SGCZ: variants seen among roughly 807,000 people sequenced by gnomAD.
The protein encoded by SGCZ is sarcoglycan zeta.
A neutral mutation model predicts 41.3 loss-of-function variants in SGCZ; 40 were observed. The ratio of observed to expected loss-of-function variants is 0.97; its 90% CI spans 0.75 to 1.26. SGCZ has a LOEUF of 1.26. SGCZ is among the 50% of genes most tolerant of loss of function. SGCZ has a pLI of 0.00. For synonymous variants in SGCZ, 206 were observed against 137.5 expected (o/e 1.50, Z -3.49); for missense variants, 552 against 369.8 (o/e 1.49, Z -4.04).
At chr8:14,369,345 A>G (rs746929390) in intron 2 of SGCZ, among the ~76,000 whole-genome samples, 6 of 151,922 alleles carry the variant, frequency 3.9e-5, no homozygotes, top group Non-Finnish European at 5.9e-5. Flanking sequence ...AATATTAGCT[A>G]TTTTGTAGAA....
At position 14,862,016 on chromosome 8, in the gene SGCZ, GA is replaced by G. The variant is rs377060838; in HGVS notation, c.40-307091del. On this transcript the variant is annotated intron_variant, in intron 1 of 7. Transcript: ENST00000382080. ...AGCCAACACCTGAATTCCACCATTG[GA>G]AAAAAAAAATAGTCTGTAGTAACAT... 1.8e-3 allele frequency among the ~76,000 whole-genome samples: 260 copies of G among 147,640 alleles called. 2 individuals carry two copies. The highest frequency in any genetic ancestry group is 4.7e-3 in the African/African-American group (189 of 40,476).
intron 1 of SGCZ, among the ~76,000 whole-genome samples, chr8:14,564,696 AT>A (rs1244323206): frequency 6.6e-6 from 1 of 152,190 alleles, no homozygotes; most frequent in Non-Finnish European, 1.5e-5. Flanking sequence ...TTGAAATAGA[AT>A]TTTTAAAACA....
intron 5 of SGCZ, among the ~76,000 whole-genome samples, chr8:14,145,320 C>G (rs1045162794): frequency 6.6e-6 from 1 of 152,142 alleles, no homozygotes; most frequent in Non-Finnish European, 1.5e-5. Flanking sequence ...CCATGACCAT[C>G]AAGGCTTAAT....
intron 7 of SGCZ, among the ~76,000 whole-genome samples, chr8:14,094,068 C>G (rs532748313): frequency 2.0e-4 from 30 of 152,200 alleles, no homozygotes; most frequent in African/African-American, 7.2e-4. Context: ...CACCTCCCAA[C>G]AAAGCCCAGT....
chr8:14,940,536 C>G (rs1255159260), intron 1 of SGCZ, among the ~76,000 whole-genome samples: 2 of 151,932 alleles, frequency 1.3e-5, no homozygotes, highest in Admixed American at 1.3e-4. Flanking sequence ...ATTTGCAATT[C>G]CAAGTCAAAG....
chr8:14,371,140 TTCAGGAAATC>T (rs554568582), intron 2 of SGCZ, among the ~76,000 whole-genome samples: 2 of 152,012 alleles, frequency 1.3e-5, no homozygotes, highest in Non-Finnish European at 2.9e-5. Flanking sequence ...GGTAAACACC[TTCAGGAAATC>T]TCTGGGTTTT....
intron 1 of SGCZ, among the ~76,000 whole-genome samples, chr8:14,818,157 G>T (rs966645479): frequency 6.6e-6 from 1 of 151,988 alleles, no homozygotes; most frequent in African/African-American, 2.4e-5. Context: ...TCTCCCAGCT[G>T]GTCACACTCA....
intron 2 of SGCZ, among the ~76,000 whole-genome samples, chr8:14,498,120 C>T (rs13252317): frequency 0.47 from 72,179 of 151,968 alleles, 17,251 homozygotes; most frequent in Admixed American, 0.54. Flanking sequence ...GTTTACTATA[C>T]TCTTTGTTGA....
At chr8:15,103,537 C>T (rs1806698100) in intron 1 of SGCZ, among the ~76,000 whole-genome samples, 2 of 152,064 alleles carry the variant, frequency 1.3e-5, no homozygotes, top group East Asian at 1.9e-4. Flanking sequence ...CAGTGAAACA[C>T]TAATAAGTCT....
At chr8:14,318,205 A>AG (rs1196846326) in intron 3 of SGCZ, among the ~76,000 whole-genome samples, 1 of 151,846 alleles carries the variant, frequency 6.6e-6, no homozygotes, top group African/African-American at 2.4e-5. Flanking sequence ...AAGGCGGGAA[A>AG]GGGGGGAAGA....
At chr8:14,156,191 C>T (rs1482885367) in intron 5 of SGCZ, among the ~76,000 whole-genome samples, 1 of 152,102 alleles carries the variant, frequency 6.6e-6, no homozygotes, top group East Asian at 1.9e-4. Flanking sequence ...TTTTCTTGGC[C>T]ACTCACAGTG....
At chr8:15,097,842 G>GTA (rs1234225819) in intron 1 of SGCZ, among the ~76,000 whole-genome samples, 8 of 21,834 alleles carry the variant, frequency 3.7e-4, no homozygotes, top group South Asian at 4.7e-3. Context: ...ATACGTGTGT[G>GTA]TATATATATA....
chr8:14,823,870 G>C (rs1802197613), intron 1 of SGCZ, among the ~76,000 whole-genome samples: 1 of 152,084 alleles, frequency 6.6e-6, no homozygotes, highest in Non-Finnish European at 1.5e-5. Flanking sequence ...ATATGGAATA[G>C]ATAGACAATG....
intron 3 of SGCZ, among the ~76,000 whole-genome samples, chr8:14,315,973 A>T (rs898815807): frequency 8.6e-5 from 13 of 151,968 alleles, no homozygotes; most frequent in African/African-American, 2.7e-4. Context: ...GTACGAATAC[A>T]AAATGTAACA....
intron 3 of SGCZ, among the ~76,000 whole-genome samples, chr8:14,286,829 T>A (rs540054103): frequency 6.6e-6 from 1 of 152,144 alleles, no homozygotes; most frequent in Non-Finnish European, 1.5e-5. Context: ...TCTAGAAAGA[T>A]TGAAGCAATT....
intron 4 of SGCZ, among the ~76,000 whole-genome samples, chr8:14,203,622 T>C (rs549442088): frequency 5.5e-4 from 84 of 152,172 alleles, no homozygotes; most frequent in Admixed American, 1.8e-3. Flanking sequence ...TGGAAGTGTT[T>C]GAATGAAGAT....
At chr8:15,192,750 A>G (rs1800582715) in intron 1 of SGCZ, among the ~76,000 whole-genome samples, 1 of 152,090 alleles carries the variant, frequency 6.6e-6, no homozygotes, top group South Asian at 2.1e-4. Context: ...CTTCTGCCCC[A>G]TTGCCATTAA....
intron 1 of SGCZ, among the ~76,000 whole-genome samples, chr8:14,918,934 G>C (rs899696762): frequency 2.6e-5 from 4 of 152,150 alleles, no homozygotes; most frequent in African/African-American, 9.7e-5. Context: ...ATATGTTTTG[G>C]TTAACAGCAT....
chr8:14,225,207 T>C (rs1806330873), intron 4 of SGCZ, among the ~76,000 whole-genome samples: 3 of 152,154 alleles, frequency 2.0e-5, no homozygotes. Context: ...CTATTTTTAT[T>C]GTGGTTTAAG....
Sources: allele counts gnomAD v4.1 joint callset (sites outside exome capture counted in the v4.1 genomes callset), GRCh38; gene constraint gnomAD v4.1.1; transcripts MANE v1.5; gene names NCBI Gene and HGNC (gene_info 2026-07-23, HGNC 2026-07-21).